The following SERINC5 variants were observed in gnomAD, a reference collection of about 807,000 sequenced individuals.
SERINC5 encodes chromosome 5 open reading frame 12.
Under a neutral mutation model 63.1 loss-of-function variants are expected in SERINC5, and 41 were observed. The ratio of observed to expected loss-of-function variants is 0.65; its 90% confidence interval spans 0.51 to 0.84. SERINC5 has a LOEUF of 0.84. Among genes scored for constraint, SERINC5 ranks in the 40% least tolerant of loss-of-function variants. The pLI is 0.00. For synonymous variants in SERINC5, 222 were observed against 215.2 expected (o/e 1.03, Z -0.28); for missense variants, 523 against 573.0 (o/e 0.91, Z 0.89).
intron 2 of SERINC5, among the ~76,000 whole-genome samples, chr5:80,186,503 A>G (rs1748820925): frequency 1.3e-5 from 2 of 152,288 alleles, no homozygotes; most frequent in Admixed American, 1.3e-4. Context: ...AATAGCACTC[A>G]CTACTTGTCC....
chr5:80,123,755 C>T (rs192166391), intron 11 of SERINC5, among the ~76,000 whole-genome samples: 118 of 152,282 alleles, frequency 7.7e-4, no homozygotes, highest in Non-Finnish European at 1.0e-3. Flanking sequence ...CACCTGAGAA[C>T]GTGCAGGGTC....
intron 11 of SERINC5, among the ~76,000 whole-genome samples, chr5:80,115,400 T>C (rs1038985841): frequency 6.6e-6 from 1 of 152,102 alleles, no homozygotes; most frequent in African/African-American, 2.4e-5. Flanking sequence ...TCATTTACTG[T>C]AGTTGCTTAT....
At chr5:80,177,106 T>C (rs1055412578) in intron 4 of SERINC5, among the ~76,000 whole-genome samples, 14 of 152,244 alleles carry the variant, frequency 9.2e-5, no homozygotes, top group African/African-American at 3.4e-4. Flanking sequence ...TCTTACACCC[T>C]ACCTGGAAGT....
intron 1 of SERINC5, among the ~76,000 whole-genome samples, chr5:80,209,567 C>CTA (rs1362034222): frequency 6.6e-6 from 1 of 152,194 alleles, no homozygotes; most frequent in Non-Finnish European, 1.5e-5. Flanking sequence ...TATTTCATAT[C>CTA]TATGTACATA....
chr5:80,218,736 C>G (rs1750777663), intron 1 of SERINC5, among the ~76,000 whole-genome samples: 1 of 151,868 alleles, frequency 6.6e-6, no homozygotes, highest in African/African-American at 2.4e-5. Flanking sequence ...GTAATGCCCA[C>G]CCCCGACTAC....
chr5:80,186,126 G>GAAA (rs10554934), intron 2 of SERINC5, among the ~76,000 whole-genome samples: 10 of 61,406 alleles, frequency 1.6e-4, no homozygotes, highest in Non-Finnish European at 1.9e-4. Context: ...TTCTTGTTTT[G>GAAA]AAAAAAAAAA....
At chr5:80,246,696 A>G (rs1406475132) in intron 1 of SERINC5, among the ~76,000 whole-genome samples, 1 of 152,222 alleles carries the variant, frequency 6.6e-6, no homozygotes, top group Non-Finnish European at 1.5e-5. Flanking sequence ...TTAAAATTCA[A>G]ACAGATGTTC....
At position 80,174,682 on chromosome 5, in the gene SERINC5, T is replaced by C. The variant is rs377616829; in HGVS notation, c.551+272A>G. ...ACTTTGGGAGGCCGAGGTGGGCGGA[T>C]CACGAGGTCAGGAGATCGAGACCCG... On this transcript the variant is annotated intron_variant, in intron 5 of 11. Coordinates refer to ENST00000507668, the MANE Select transcript of SERINC5 (RefSeq NM_001174072.3). Among the ~76,000 whole-genome samples, 7 of 152,048 alleles carry C rather than the reference T, an allele frequency of 4.6e-5. No homozygotes were observed. In the East Asian group the frequency reaches 1.4e-3, roughly 30 times the overall value.
chr5:80,113,414 G>A (rs1332636952), intron 12 of SERINC5, among the ~76,000 whole-genome samples: 2 of 152,074 alleles, frequency 1.3e-5, no homozygotes, highest in African/African-American at 4.8e-5. Context: ...AGCCATTCAT[G>A]TTTCTTCTGT....
intron 2 of SERINC5, among the ~76,000 whole-genome samples, chr5:80,194,386 A>G (rs1749375992): frequency 6.6e-6 from 1 of 152,240 alleles, no homozygotes; most frequent in South Asian, 2.1e-4. Flanking sequence ...CAGACTCTCC[A>G]GCTTCAGCAT....
chr5:80,161,835 G>A (rs960072434), intron 7 of SERINC5, among the ~76,000 whole-genome samples: 6 of 152,126 alleles, frequency 3.9e-5, no homozygotes, highest in Non-Finnish European at 5.9e-5. Flanking sequence ...TACAGTTTCA[G>A]GTCTTACATG....
rs920266557 is a variant in SERINC5, at chr5:80,142,355, T to C, written c.*1308A>G. 270 of 896,430 alleles carry C rather than the reference T, an allele frequency of 3.0e-4. 1 individual carries two copies. The highest frequency in any genetic ancestry group is 3.4e-4 in the Non-Finnish European group (257 of 749,026). 55.5% of individuals were successfully genotyped at this position (896,430 alleles called of 1,614,324 possible). On this transcript the variant is annotated 3_prime_UTR_variant, in exon 12 of 12. Coordinates refer to ENST00000507668, the MANE Select transcript of SERINC5 (RefSeq NM_001174072.3). ...TTCAAGTGATTCTCATGCCTCAGCC[T>C]TCGAGTAGCTGGCATTACAGGCACA... is the stretch of plus-strand genomic sequence containing the variant.
chr5:80,150,213 A>C (rs2112317532), intron 9 of SERINC5, among the ~76,000 whole-genome samples: 1 of 152,304 alleles, frequency 6.6e-6, no homozygotes, highest in Middle Eastern at 3.4e-3. Flanking sequence ...GACAAGTATG[A>C]AACAGGTGGG....
At chr5:80,173,581 A>G (rs1375948737) in intron 5 of SERINC5, among the ~76,000 whole-genome samples, 1 of 151,742 alleles carries the variant, frequency 6.6e-6, no homozygotes, top group African/African-American at 2.4e-5. Flanking sequence ...GGGCGACAGA[A>G]CGAGACTCTG....
intron 1 of SERINC5, among the ~76,000 whole-genome samples, chr5:80,225,686 TAA>T (rs1751135852): frequency 6.6e-6 from 1 of 152,080 alleles, no homozygotes; most frequent in Non-Finnish European, 1.5e-5. Flanking sequence ...CATACTGCCT[TAA>T]AAGAGTAGGG....
At chr5:80,120,134 A>G (rs73125908) in intron 11 of SERINC5, among the ~76,000 whole-genome samples, 11,348 of 152,202 alleles carry the variant, frequency 0.075, 1,392 homozygotes, top group African/African-American at 0.26. Context: ...GTGCCTGCTC[A>G]TAGTAGATTG....
At chr5:80,114,548 G>T in intron 11 of SERINC5, 1 of 183,936 alleles carries the variant, frequency 5.4e-6, no homozygotes, top group Non-Finnish European at 1.2e-5. Flanking sequence ...CAGCTACTTG[G>T]GAGGCTGAGG....
Position 80,140,678 on chromosome 5 carries a change from T to A in SERINC5, c.*2985A>T. 1 of 985,178 alleles carries A rather than the reference T, an allele frequency of 1.0e-6. No individual in the cohort carries two copies. The highest frequency in any genetic ancestry group is 1.2e-6 in the Non-Finnish European group (1 of 829,864). 61.0% of individuals were successfully genotyped at this position (985,178 alleles called of 1,614,324 possible). On this transcript the variant is annotated 3_prime_UTR_variant, in exon 12 of 12. Coordinates refer to ENST00000507668, the MANE Select transcript of SERINC5 (RefSeq NM_001174072.3). Reference sequence around the variant, plus strand: ...GGCTTATAATGGAAATAGTCTCTAGTCTCCAGTCAGGTAACATGCCGCGGT... The same window carrying A: ...GGCTTATAATGGAAATAGTCTCTAGACTCCAGTCAGGTAACATGCCGCGGT...
chr5:80,140,055 T>C lies in SERINC5; in HGVS notation c.*3608A>G. On this transcript the variant is annotated 3_prime_UTR_variant, in exon 12 of 12. Coordinates refer to ENST00000507668, the MANE Select transcript of SERINC5 (RefSeq NM_001174072.3). ...TTAAAAAGGCAGAGGGTAGGCTGCG[T>C]GCAGTGGTTTACGCCTATAATCCCA... The C allele has an allele frequency of 1.0e-6, 1 of 985,206 alleles. No homozygotes were observed. Among genetic ancestry groups the C allele is most frequent in the South Asian group, 4.7e-5 (1 of 21,280 alleles). The allele number at this position is 985,206 out of a possible 1,614,324, so 61.0% of individuals were successfully genotyped here.
Sources: gnomAD v4.1 joint callset for allele counts (sites outside exome capture counted in the v4.1 genomes callset) on GRCh38, gnomAD v4.1.1 for gene constraint, MANE v1.5 for transcripts, NCBI Gene and HGNC (gene_info 2026-07-23, HGNC 2026-07-21) for gene names.